The following CELA1 variants were observed in gnomAD, a reference collection of about 807,000 sequenced individuals.
The protein encoded by CELA1 is chymotrypsin-like elastase family member 1.
In CELA1, 28 loss-of-function variants were observed where a neutral mutation model predicts 34.8. The observed-to-expected ratio is 0.80, with a 90% confidence interval of 0.60 to 1.10. The LOEUF is 1.10. Among genes scored for constraint, CELA1 ranks in the 50% least tolerant of loss-of-function variants. The pLI, the probability that CELA1 is intolerant of heterozygous loss-of-function variation, is 0.00. For missense variants in CELA1, 288 were observed against 327.5 expected (o/e 0.88, Z 0.93); for synonymous variants, 140 against 129.8 (o/e 1.08, Z -0.53).
chr12:51,341,230 T>G lies in CELA1; in HGVS notation c.463+14A>C, dbSNP rs953102468. The G allele has an allele frequency of 6.2e-7, 1 of 1,613,928 alleles. No individual in the cohort carries two copies. Among genetic ancestry groups the G allele is most frequent in the Non-Finnish European group, 8.5e-7 (1 of 1,179,948 alleles). On this transcript the variant is annotated intron_variant, in intron 5 of 7. Coordinates refer to ENST00000293636, the MANE Select transcript of CELA1 (RefSeq NM_001971.6). ...AGATCCCCGTGGTGGATTGTGCCAATGTAGGCAACTTACTCTTGGTCTTGC... is the reference window on the plus strand; with the variant it reads ...AGATCCCCGTGGTGGATTGTGCCAAGGTAGGCAACTTACTCTTGGTCTTGC...
intron 2 of CELA1, among the ~76,000 whole-genome samples, chr12:51,345,212 C>T (rs1592299770): frequency 6.6e-6 from 1 of 152,166 alleles, no homozygotes; most frequent in South Asian, 2.1e-4. Context: ...TAGCTCTACT[C>T]CTGAAAACTG....
intron 6 of CELA1, among the ~76,000 whole-genome samples, chr12:51,336,924 GTCT>G (rs1946502312): frequency 6.7e-6 from 1 of 149,182 alleles, no homozygotes; most frequent in Non-Finnish European, 1.5e-5. Flanking sequence ...TGCCTCTCTT[GTCT>G]TCTTCAAAAA....
chr12:51,342,809 G>A lies in CELA1; in HGVS notation c.201-109C>T, dbSNP rs546070357. 20 of 1,280,544 alleles carry A rather than the reference G, an allele frequency of 1.6e-5. 1 individual carries two copies. The South Asian group carries it at 3.1e-4, about 20-fold the overall frequency. 79.3% of individuals were successfully genotyped at this position (1,280,544 alleles called of 1,614,324 possible). A position where few individuals can be genotyped will look rare whatever the true frequency, so the allele number is the denominator to read the frequency against. On this transcript the variant is annotated intron_variant, in intron 3 of 7. Coordinates refer to ENST00000293636, the MANE Select transcript of CELA1 (RefSeq NM_001971.6). Reference sequence around the variant, plus strand: ...TTTTTTTTTAATCATTATTATTTAGGAAATTTTTTTTTTTTTTTAGAGATG... The same window carrying A: ...TTTTTTTTTAATCATTATTATTTAGAAAATTTTTTTTTTTTTTTAGAGATG...
chr12:51,338,281 CACACACATACACAT>C (rs1403291130), intron 6 of CELA1, among the ~76,000 whole-genome samples: 1 of 47,362 alleles, frequency 2.1e-5, no homozygotes, highest in Non-Finnish European at 4.4e-5. Context: ...CACACACACA[CACACACATACACAT>C]ACGCATACAT....
At chr12:51,339,734 G>A (rs551577214) in intron 6 of CELA1, 126 bp downstream of exon 6, 531 of 868,672 alleles carry the variant, frequency 6.1e-4, no homozygotes, top group Non-Finnish European at 7.5e-4. Context: ...TCACTTAGAC[G>A]CCAGAGTAGA....
intron 5 of CELA1, 26 bp downstream of exon 5, chr12:51,341,218 G>A: frequency 6.2e-7 from 1 of 1,613,464 alleles, no homozygotes; most frequent in Non-Finnish European, 8.5e-7. Flanking sequence ...TCCCCGTGGT[G>A]GATTGTGCCA....
chr12:51,341,124 G>T, intron 5 of CELA1, 120 bp downstream of exon 5: 1 of 985,070 alleles, frequency 1.0e-6, no homozygotes, highest in Non-Finnish European at 1.6e-6. Context: ...TTGTATCTAT[G>T]GTTCTTTTAG....
chr12:51,331,244 C>T (rs964262909), intron 6 of CELA1, among the ~76,000 whole-genome samples: 8 of 151,944 alleles, frequency 5.3e-5, no homozygotes, highest in Admixed American at 2.0e-4. Context: ...CAAAAATTAG[C>T]CGGGCGTGGT....
chr12:51,329,134 A>AG (rs1365401591), intron 7 of CELA1, among the ~76,000 whole-genome samples: 3 of 151,760 alleles, frequency 2.0e-5, no homozygotes, highest in Non-Finnish European at 4.4e-5. Flanking sequence ...CATGCCTATA[A>AG]TCCCAACTAC....
intron 6 of CELA1, among the ~76,000 whole-genome samples, chr12:51,333,068 T>A (rs1488735810): frequency 6.6e-6 from 1 of 150,746 alleles, no homozygotes; most frequent in African/African-American, 2.4e-5. Flanking sequence ...TAGCTGGGAG[T>A]ATAGATGTGT....
chr12:51,338,299 C>T (rs1946513031), intron 6 of CELA1, among the ~76,000 whole-genome samples: 2 of 23,856 alleles, frequency 8.4e-5, no homozygotes, highest in East Asian at 7.4e-3. Context: ...TACACATACG[C>T]ATACATATAT....
intron 6 of CELA1, among the ~76,000 whole-genome samples, chr12:51,330,129 A>G (rs1001848508): frequency 7.2e-5 from 11 of 152,212 alleles, no homozygotes; most frequent in Non-Finnish European, 1.2e-4. Flanking sequence ...ACTCTTACCA[A>G]GATCTTTCCT....
At chr12:51,343,896 CA>C (rs770159302) in intron 2 of CELA1, 43 bp from the exon 3 acceptor site, 2 of 1,165,490 alleles carry the variant, frequency 1.7e-6, no homozygotes, top group South Asian at 2.6e-5. Flanking sequence ...TGGTGTTTCT[CA>C]AATGGTTTTG....
chr12:51,338,625 A>G (rs1592297323), intron 6 of CELA1, among the ~76,000 whole-genome samples: 1 of 152,086 alleles, frequency 6.6e-6, no homozygotes, highest in Non-Finnish European at 1.5e-5. Flanking sequence ...GTAGGTACCT[A>G]CCCTTGGGCT....
intron 6 of CELA1, among the ~76,000 whole-genome samples, chr12:51,337,093 T>G (rs2137478714): frequency 6.6e-6 from 1 of 152,314 alleles, no homozygotes; most frequent in Non-Finnish European, 1.5e-5. Context: ...GCCTCTCTAG[T>G]CTTACCTCCT....
At chr12:51,335,022 C>A (rs933355026) in intron 6 of CELA1, among the ~76,000 whole-genome samples, 4 of 152,142 alleles carry the variant, frequency 2.6e-5, no homozygotes, top group Non-Finnish European at 5.9e-5. Context: ...CCTCCTAGTT[C>A]ATGAGTAACT....
chr12:51,341,170 GA>G, intron 5 of CELA1, 73 bp downstream of exon 5: 10 of 1,553,214 alleles, frequency 6.4e-6, no homozygotes, highest in South Asian at 2.2e-5. Flanking sequence ...TAGGACCACA[GA>G]AAAAGGTGTC....
intron 6 of CELA1, among the ~76,000 whole-genome samples, chr12:51,338,037 G>A (rs1381321669): frequency 2.0e-5 from 3 of 151,276 alleles, no homozygotes; most frequent in Admixed American, 6.6e-5. Context: ...CAGCCAGTTC[G>A]AGACCAGCCT....
chr12:51,328,531 A>G lies in CELA1; in HGVS notation c.*46T>C. 1 of 1,606,948 alleles carries G rather than the reference A, an allele frequency of 6.2e-7. No individual in the cohort carries two copies. The highest frequency in any genetic ancestry group is 8.5e-7 in the Non-Finnish European group (1 of 1,173,458). Reference sequence around the variant, plus strand: ...ACTTTTTGATCGCAAGTCCTACTGCAGATCTAAGAACCATTTTGGGAAGGT... The same window carrying G: ...ACTTTTTGATCGCAAGTCCTACTGCGGATCTAAGAACCATTTTGGGAAGGT... On this transcript the variant is annotated 3_prime_UTR_variant, in exon 8 of 8. Coordinates refer to ENST00000293636, the MANE Select transcript of CELA1 (RefSeq NM_001971.6).
Sources: allele counts gnomAD v4.1 joint callset (sites outside exome capture counted in the v4.1 genomes callset), GRCh38; gene constraint gnomAD v4.1.1; transcripts MANE v1.5; gene names NCBI Gene and HGNC (gene_info 2026-07-23, HGNC 2026-07-21).